The following MCPH1 variants were observed in gnomAD, a reference collection of about 807,000 sequenced individuals.
MCPH1 encodes the protein microcephalin 1.
A neutral mutation model predicts 84.5 loss-of-function variants in MCPH1; 104 were observed. That is an observed-to-expected ratio of 1.23 (90% CI 1.05 to 1.45). MCPH1 has a LOEUF of 1.45. Among genes scored for constraint, MCPH1 ranks in the 40% most tolerant of loss-of-function variants. The pLI is 0.00. For synonymous variants in MCPH1, 514 were observed against 366.8 expected (o/e 1.40, Z -4.58); for missense variants, 1,498 against 1,005.7 (o/e 1.49, Z -6.62).
chr8:6,576,091 A>G lies in MCPH1; in HGVS notation c.2215-45363A>G, dbSNP rs146522704. 7.8e-3 allele frequency among the ~76,000 whole-genome samples: 1,186 copies of G among 152,096 alleles called. 11 individuals are homozygous for G. The highest frequency in any genetic ancestry group is 0.027 in the Middle Eastern group (8 of 294). On this transcript the variant is annotated intron_variant, in intron 12 of 13. Transcript: ENST00000344683. ...AAAGTAATAGGAAAGGAATTAAAAT[A>G]TAACGCTACCTTGCAGCCTCCACCA... is the stretch of plus-strand genomic sequence containing the variant.
intron 11 of MCPH1, among the ~76,000 whole-genome samples, chr8:6,485,315 ACT>A (rs1363635893): frequency 2.0e-5 from 3 of 151,128 alleles, no homozygotes; most frequent in African/African-American, 4.9e-5. Context: ...ACAGAGTGAG[ACT>A]CTGTCTCAAA....
intron 13 of MCPH1, among the ~76,000 whole-genome samples, chr8:6,632,741 A>G (rs181923341): frequency 1.8e-4 from 27 of 152,230 alleles, no homozygotes; most frequent in African/African-American, 6.3e-4. Context: ...CCTGGGAGAA[A>G]GAGGTTGCAG....
chr8:6,484,849 C>T lies in MCPH1; in HGVS notation c.2136+3973C>T, dbSNP rs373127269. On this transcript the variant is annotated intron_variant, in intron 11 of 13. Transcript: ENST00000344683. The stretch of plus-strand genomic sequence containing the variant: ...GGAAGGAGAACAGATGAGTGGTTGC[C>T]GCGCATTAAGGTGGGAGTAGCATCT... Among the ~76,000 whole-genome samples the T allele has an allele frequency of 3.9e-5, 6 of 152,218 alleles. No homozygotes were observed. The East Asian group carries it at 1.2e-3, about 29-fold the overall frequency.
At chr8:6,585,117 A>AT (rs1421036307) in intron 12 of MCPH1, among the ~76,000 whole-genome samples, 2 of 152,202 alleles carry the variant, frequency 1.3e-5, no homozygotes, top group African/African-American at 4.8e-5. Context: ...TTTTTCTAAT[A>AT]TTTTCAGACT....
rs1263107669 is a variant in MCPH1, at chr8:6,645,419, G to C, written c.*2370G>C. On this transcript the variant is annotated 3_prime_UTR_variant, in exon 14 of 14. Transcript: ENST00000344683. ...AACATATAGGGCTAGAGGTTCTCAG[G>C]ATTCTGAATTTTAAAAAAAATTTGT... is the stretch of plus-strand genomic sequence containing the variant. The C allele has an allele frequency of 6.6e-6, 1 of 151,994 alleles. No homozygotes were observed. Among genetic ancestry groups the C allele is most frequent in the South Asian group, 2.1e-4 (1 of 4,834 alleles). The allele number at this position is 151,994 out of a possible 1,614,324, so 9.4% of individuals were successfully genotyped here.
intron 9 of MCPH1, among the ~76,000 whole-genome samples, chr8:6,457,415 G>A (rs1245557419): frequency 6.6e-6 from 1 of 151,848 alleles, no homozygotes; most frequent in Non-Finnish European, 1.5e-5. Flanking sequence ...CAAAACCCTG[G>A]CCAACATGGC....
At chr8:6,427,809 T>C (rs1377239460) in intron 3 of MCPH1, among the ~76,000 whole-genome samples, 2 of 89,806 alleles carry the variant, frequency 2.2e-5, no homozygotes, top group Non-Finnish European at 4.9e-5. Flanking sequence ...TTTTTTTTTT[T>C]TGAAACGGAG....
rs972457302 is a variant in MCPH1 at position 6,414,652 on chromosome 8, T to C, written c.115-113T>C. ...AGCGTTATGCATTCCTTTGAGTGTT[T>C]CTCTGTCAGATGTTGAGAAACAGAA... On this transcript the variant is annotated intron_variant, in intron 2 of 13. Transcript: ENST00000344683. 11 of 1,157,084 alleles carry C rather than the reference T, an allele frequency of 9.5e-6. No individual in the cohort carries two copies. The African/African-American group carries it at 1.7e-4, about 18-fold the overall frequency. The allele number at this position is 1,157,084 out of a possible 1,614,324, so 71.7% of individuals were successfully genotyped here. A position where few individuals can be genotyped will look rare whatever the true frequency, so the allele number is the denominator to read the frequency against.
intron 7 of MCPH1, among the ~76,000 whole-genome samples, chr8:6,444,160 C>T (rs1045489085): frequency 6.6e-6 from 1 of 152,088 alleles, no homozygotes; most frequent in African/African-American, 2.4e-5. Flanking sequence ...GTTTGTTACA[C>T]CTCTTCTCTA....
chr8:6,485,281 C>T (rs1268715784), intron 11 of MCPH1, among the ~76,000 whole-genome samples: 1 of 151,766 alleles, frequency 6.6e-6, no homozygotes, highest in Non-Finnish European at 1.5e-5. Context: ...GCCGAGATCA[C>T]GCCACTGCAC....
chr8:6,422,498 T>C (rs1366453473), intron 3 of MCPH1, among the ~76,000 whole-genome samples: 2 of 152,120 alleles, frequency 1.3e-5, no homozygotes, highest in Non-Finnish European at 1.5e-5. Context: ...AACCCTACAA[T>C]GGGGATGGTC....
At chr8:6,574,761 G>A (rs1826933476) in intron 12 of MCPH1, among the ~76,000 whole-genome samples, 1 of 152,244 alleles carries the variant, frequency 6.6e-6, no homozygotes, top group Admixed American at 6.5e-5. Flanking sequence ...ATAAGGACCA[G>A]GAGAGAAAGT....
intron 12 of MCPH1, among the ~76,000 whole-genome samples, chr8:6,618,251 G>A (rs1040662091): frequency 5.9e-5 from 9 of 152,190 alleles, no homozygotes; most frequent in African/African-American, 1.7e-4. Flanking sequence ...TGAGAACACC[G>A]CCTGCTGCAT....
At chr8:6,589,582 G>T (rs1198751572) in intron 12 of MCPH1, among the ~76,000 whole-genome samples, 1 of 152,178 alleles carries the variant, frequency 6.6e-6, no homozygotes, top group African/African-American at 2.4e-5. Context: ...AGGGAAGGGT[G>T]CTAAGCTTCA....
intron 12 of MCPH1, chr8:6,621,123 G>A: frequency 2.6e-6 from 1 of 379,564 alleles, no homozygotes; most frequent in East Asian, 6.5e-5. Context: ...TTACTTTAGT[G>A]AGAGTTCAGC....
chr8:6,483,782 C>T (rs1408313353), intron 11 of MCPH1, among the ~76,000 whole-genome samples: 1 of 152,120 alleles, frequency 6.6e-6, no homozygotes, highest in Non-Finnish European at 1.5e-5. Flanking sequence ...ATCACTTAAA[C>T]CGGTGAGATG....
intron 8 of MCPH1, among the ~76,000 whole-genome samples, chr8:6,454,459 C>A (rs1348826084): frequency 6.6e-6 from 1 of 152,134 alleles, no homozygotes; most frequent in African/African-American, 2.4e-5. Context: ...AGTAGGCAAA[C>A]TGTTTGAAGG....
intron 11 of MCPH1, among the ~76,000 whole-genome samples, chr8:6,490,935 T>C (rs2920663): frequency 0.11 from 11,048 of 97,186 alleles, 1,045 homozygotes; most frequent in African/African-American, 0.27. Context: ...GCATTGTATA[T>C]ATTAATAATA....
chr8:6,517,913 T>C (rs532927524), intron 12 of MCPH1, among the ~76,000 whole-genome samples: 8 of 152,244 alleles, frequency 5.3e-5, no homozygotes, highest in African/African-American at 1.9e-4. Context: ...GATGAGAAAA[T>C]TGAGGTTTGT....
Sources: allele counts gnomAD v4.1 joint callset (sites outside exome capture counted in the v4.1 genomes callset), GRCh38; gene constraint gnomAD v4.1.1; transcripts MANE v1.5; gene names NCBI Gene and HGNC (gene_info 2026-07-23, HGNC 2026-07-21).